The following UIMC1 variants were observed in gnomAD, a reference collection of about 807,000 sequenced individuals.
The protein encoded by UIMC1 is BRCA1-A complex subunit RAP80.
In UIMC1, 42 loss-of-function variants were observed where a neutral mutation model predicts 84.9. The observed-to-expected ratio is 0.49, with a 90% CI of 0.39 to 0.64. UIMC1 has a LOEUF of 0.64. Ranked by LOEUF, UIMC1 falls within the 30% of genes least tolerant of loss-of-function variation. UIMC1 has a pLI of 0.00. For missense variants in UIMC1, 825 were observed against 847.6 expected (o/e 0.97, Z 0.33); for synonymous variants, 281 against 293.0 (o/e 0.96, Z 0.42).
chr5:176,953,530 A>ACACACACACC (rs1486168664), intron 8 of UIMC1, among the ~76,000 whole-genome samples: 62 of 151,200 alleles, frequency 4.1e-4, no homozygotes, highest in African/African-American at 1.5e-3. Context: ...ACACACACAC[A>ACACACACACC]CCTTATTGGA....
intron 10 of UIMC1, among the ~76,000 whole-genome samples, chr5:176,914,059 T>TACCAC (rs1204957671): frequency 3.2e-5 from 4 of 125,916 alleles, no homozygotes; most frequent in African/African-American, 1.8e-4. Flanking sequence ...TACCATACCA[T>TACCAC]ACCATACCAT....
intron 3 of UIMC1, among the ~76,000 whole-genome samples, chr5:176,974,813 C>CAA (rs924066311): frequency 7.0e-6 from 1 of 142,696 alleles, no homozygotes; most frequent in African/African-American, 2.6e-5. Context: ...TGCTCCGTCT[C>CAA]AAAAAAAAAA....
intron 9 of UIMC1, among the ~76,000 whole-genome samples, chr5:176,943,751 T>C (rs553486304): frequency 5.4e-4 from 82 of 152,366 alleles, no homozygotes; most frequent in African/African-American, 1.8e-3. Flanking sequence ...TATGTAAGTA[T>C]ATTTATACTG....
intron 14 of UIMC1, 165 bp downstream of exon 14, chr5:176,905,846 T>C (rs1759292707): frequency 1.4e-6 from 1 of 709,956 alleles, no homozygotes; most frequent in Non-Finnish European, 2.4e-6. Flanking sequence ...ATCCAATCTT[T>C]AGCTAAATGG....
At position 176,958,142 on chromosome 5, in the gene UIMC1, T is replaced by A; in HGVS notation, c.1213A>T (p.Ile405Phe). The A allele has an allele frequency of 6.2e-7, 1 of 1,613,766 alleles. No homozygotes were observed. The highest frequency in any genetic ancestry group is 8.5e-7 in the Non-Finnish European group (1 of 1,179,744). Residue 405 changes from isoleucine to phenylalanine, a missense_variant, in exon 7 of 15, where the codon ATT becomes TTT. Transcript: ENST00000511320. ...CCCTCTTCAGAAGTTTCTTCAACAA[T>A]CCCTTGGGAAGACTGCAAAGAAATA... Reference protein sequence around the residue: ...TTSHGQSSQGIVEETSEEGNS... With the variant: ...TTSHGQSSQGFVEETSEEGNS...
At chr5:176,957,946 T>C in intron 7 of UIMC1, 147 bp downstream of exon 7, 1 of 547,550 alleles carries the variant, frequency 1.8e-6, no homozygotes. Flanking sequence ...AACTTAGAGA[T>C]ACTAATAAAA....
intron 11 of UIMC1, among the ~76,000 whole-genome samples, chr5:176,909,407 C>T (rs1316202762): frequency 6.6e-6 from 1 of 152,012 alleles, no homozygotes; most frequent in Non-Finnish European, 1.5e-5. Context: ...GTGGTGAGAA[C>T]CTCTGCAAGG....
rs146067133 is a variant in UIMC1 at position 176,972,274 on chromosome 5, C to T, written c.233-1408G>A. ...AAAATCAGCCAGGCATGGTGGTGAG[C>T]GCCTATAGTCCCAGCTACTCACGAG... On this transcript the variant is annotated intron_variant, in intron 3 of 14. Coordinates refer to ENST00000511320, the MANE Select transcript of UIMC1 (RefSeq NM_001199298.2). Among the ~76,000 whole-genome samples, 1,389 of 151,962 alleles carry T rather than the reference C, an allele frequency of 9.1e-3. 8 individuals carry two copies. The highest frequency in any genetic ancestry group is 0.025 in the South Asian group (120 of 4,818).
intron 10 of UIMC1, among the ~76,000 whole-genome samples, chr5:176,933,084 G>C (rs1269843471): frequency 6.6e-6 from 1 of 152,090 alleles, no homozygotes; most frequent in Non-Finnish European, 1.5e-5. Context: ...CACAAGAAGG[G>C]GGCTGCTGGC....
intron 1 of UIMC1, among the ~76,000 whole-genome samples, chr5:176,987,984 G>T (rs1233730317): frequency 6.6e-6 from 1 of 151,792 alleles, no homozygotes; most frequent in African/African-American, 2.4e-5. Flanking sequence ...AATGTAGCCA[G>T]ATGTGGTGGC....
In UIMC1 at chr5:176,919,115, T is replaced by A. The variant is rs536087843; in HGVS notation, c.1598-7726A>T. ...ATTTAAATATAACTTCACTGAGATA[T>A]ATTCATGTACCATATAATCCACCCA... On this transcript the variant is annotated intron_variant, in intron 10 of 14. Transcript: ENST00000511320. 2.5e-5 allele frequency: 8 copies of A among 315,772 alleles called. 2 individuals carry two copies. The highest frequency in any genetic ancestry group is 1.6e-4 in the African/African-American group (7 of 43,268). The allele number at this position is 315,772 out of a possible 1,614,324, so 19.6% of individuals were successfully genotyped here.
chr5:176,960,219 G>A (rs932194420), intron 6 of UIMC1, among the ~76,000 whole-genome samples: 11 of 152,148 alleles, frequency 7.2e-5, no homozygotes, highest in Admixed American at 3.9e-4. Flanking sequence ...AAATCGTAGC[G>A]CTGAGACTTG....
chr5:177,018,999 T>C (rs1445308510), intron 1 of UIMC1, among the ~76,000 whole-genome samples: 1 of 152,198 alleles, frequency 6.6e-6, no homozygotes, highest in African/African-American at 2.4e-5. Flanking sequence ...TTATGCTATA[T>C]GCAAGTGTAA....
rs765699555 is a variant in UIMC1, at chr5:176,943,390, G to A, written c.1542C>T (p.Pro514=). The A allele has an allele frequency of 1.2e-6, 2 of 1,613,980 alleles. No individual in the cohort carries two copies. Among genetic ancestry groups the A allele is most frequent in the African/African-American group, 2.7e-5 (2 of 74,890 alleles). Residue 514 remains proline, a synonymous_variant, in exon 10 of 15, where the codon CCC becomes CCT. Transcript: ENST00000511320. ...SCPLCDQCFP[P]TKIERHAMYC... The stretch of plus-strand genomic sequence containing the variant: ...ACATGGCATGTCGTTCAATCTTTGT[G>A]GGTGGAAAGCATTGGTCACATAGCG...
intron 2 of UIMC1, among the ~76,000 whole-genome samples, chr5:176,981,063 T>C (rs748255856): frequency 2.6e-5 from 4 of 152,086 alleles, no homozygotes; most frequent in Admixed American, 6.6e-5. Flanking sequence ...TTCTTCTCTA[T>C]ACGCTTATGC....
chr5:176,979,817 G>T (rs1175570152), intron 2 of UIMC1, among the ~76,000 whole-genome samples: 2 of 152,110 alleles, frequency 1.3e-5, no homozygotes, highest in Non-Finnish European at 2.9e-5. Flanking sequence ...GTTAATTTTA[G>T]TATCAGTTTG....
At chr5:177,001,330 T>C (rs559548856) in intron 1 of UIMC1, 6 of 152,206 alleles carry the variant, frequency 3.9e-5, no homozygotes, top group African/African-American at 9.6e-5. Context: ...GGTGTGTGGA[T>C]AGACTTATAC....
At chr5:176,910,190 A>G (rs1759937277) in intron 11 of UIMC1, among the ~76,000 whole-genome samples, 1 of 152,264 alleles carries the variant, frequency 6.6e-6, no homozygotes, top group African/African-American at 2.4e-5. Flanking sequence ...GAATGTCTAC[A>G]TTACAGTAAG....
intron 7 of UIMC1, among the ~76,000 whole-genome samples, chr5:176,957,771 G>T (rs1028304349): frequency 6.6e-6 from 1 of 152,144 alleles, no homozygotes; most frequent in Admixed American, 6.5e-5. Context: ...CCTTCAAATT[G>T]GCATAGAAAA....
Sources: allele counts gnomAD v4.1 joint callset (sites outside exome capture counted in the v4.1 genomes callset), GRCh38; gene constraint gnomAD v4.1.1; transcripts MANE v1.5; gene names NCBI Gene and HGNC (gene_info 2026-07-23, HGNC 2026-07-21).